CDH13: variants seen among roughly 807,000 people sequenced by gnomAD.
The protein encoded by CDH13 is cadherin-13.
Under a neutral mutation model 63.8 loss-of-function variants are expected in CDH13, and 24 were observed. The ratio of observed to expected loss-of-function variants is 0.38; its 90% CI spans 0.27 to 0.53. CDH13 has a LOEUF of 0.53. CDH13 is among the 20% of genes least tolerant of loss of function. The pLI, the probability that CDH13 is intolerant of heterozygous loss-of-function variation, is 0.85. For missense variants in CDH13, 1,049 were observed against 903.1 expected, an observed-to-expected ratio of 1.16 and a Z score of -2.07; for synonymous variants, 503 against 355.3, an observed-to-expected ratio of 1.42 and a Z score of -4.67.
At chr16:83,284,684 AATAAT>A (rs1173064999) in intron 5 of CDH13, among the ~76,000 whole-genome samples, 1 of 152,104 alleles carries the variant, frequency 6.6e-6, no homozygotes, top group Non-Finnish European at 1.5e-5. Flanking sequence ...AGCGTAATAT[AATAAT>A]ATAGTAAATA....
chr16:83,755,393 T>A (rs1046305679), intron 11 of CDH13, among the ~76,000 whole-genome samples: 1 of 152,114 alleles, frequency 6.6e-6, no homozygotes. Flanking sequence ...AATTTGAAGA[T>A]GTAATGTCCA....
chr16:82,723,331 A>G (rs2032894728), intron 1 of CDH13, among the ~76,000 whole-genome samples: 1 of 152,118 alleles, frequency 6.6e-6, no homozygotes, highest in Non-Finnish European at 1.5e-5. Context: ...AGTTCAGCAC[A>G]TATTTATTGA....
intron 2 of CDH13, among the ~76,000 whole-genome samples, chr16:82,917,417 A>C (rs927747240): frequency 3.3e-5 from 5 of 152,208 alleles, no homozygotes; most frequent in African/African-American, 1.2e-4. Context: ...AATGAAAGAA[A>C]GAAAGATTCT....
intron 7 of CDH13, among the ~76,000 whole-genome samples, chr16:83,582,970 C>T (rs1047816961): frequency 6.6e-6 from 1 of 152,296 alleles, no homozygotes; most frequent in Admixed American, 6.5e-5. Flanking sequence ...CAAACAACAA[C>T]TGAAATTTAT....
At chr16:83,340,032 TTCTCTGTGACCTTTCCCA>T (rs2090687512) in intron 5 of CDH13, among the ~76,000 whole-genome samples, 1 of 152,198 alleles carries the variant, frequency 6.6e-6, no homozygotes, top group African/African-American at 2.4e-5. Flanking sequence ...CTCATCACCA[TTCTCTGTGACCTTTCCCA>T]TCTCTGGGAC....
At chr16:83,728,006 T>C (rs1032756274) in intron 10 of CDH13, among the ~76,000 whole-genome samples, 1 of 152,164 alleles carries the variant, frequency 6.6e-6, no homozygotes, top group Non-Finnish European at 1.5e-5. Context: ...CTTTTTCTTT[T>C]GTGAGGCAAA....
chr16:83,266,685 C>T (rs1464973126), intron 5 of CDH13, among the ~76,000 whole-genome samples: 1 of 152,170 alleles, frequency 6.6e-6, no homozygotes, highest in Non-Finnish European at 1.5e-5. Flanking sequence ...AAACATTAAG[C>T]CAATATTTCC....
chr16:82,739,685 C>G (rs1259701817), intron 1 of CDH13, among the ~76,000 whole-genome samples: 2 of 152,120 alleles, frequency 1.3e-5, no homozygotes, highest in African/African-American at 4.8e-5. Flanking sequence ...AACACCTTGT[C>G]TCTACAAAAG....
At chr16:83,261,152 G>T (rs754297577) in intron 5 of CDH13, among the ~76,000 whole-genome samples, 5 of 152,142 alleles carry the variant, frequency 3.3e-5, no homozygotes, top group Non-Finnish European at 5.9e-5. Context: ...TTATGACATA[G>T]TGACCACGGT....
chr16:83,322,086 T>G (rs192128481), intron 5 of CDH13, among the ~76,000 whole-genome samples: 1 of 152,104 alleles, frequency 6.6e-6, no homozygotes, highest in East Asian at 1.9e-4. Flanking sequence ...ATAACTAGCT[T>G]AAGGAAAACA....
At chr16:83,015,583 C>G (rs1914675991) in intron 2 of CDH13, among the ~76,000 whole-genome samples, 1 of 147,820 alleles carries the variant, frequency 6.8e-6, no homozygotes. Context: ...CAGATTACAT[C>G]CATTTAAACA....
At chr16:83,754,202 G>A (rs1258399907) in intron 11 of CDH13, among the ~76,000 whole-genome samples, 1 of 152,126 alleles carries the variant, frequency 6.6e-6, no homozygotes. Flanking sequence ...CAAATACATA[G>A]CCATTCTCTC....
At chr16:83,498,111 T>C (rs944041190) in intron 7 of CDH13, among the ~76,000 whole-genome samples, 1 of 152,088 alleles carries the variant, frequency 6.6e-6, no homozygotes, top group African/African-American at 2.4e-5. Context: ...ATTGACTAAA[T>C]ATTGGAGGGA....
intron 1 of CDH13, among the ~76,000 whole-genome samples, chr16:82,653,882 T>C (rs1454959847): frequency 6.6e-6 from 1 of 152,006 alleles, no homozygotes; most frequent in Non-Finnish European, 1.5e-5. Flanking sequence ...TTCAAGGCCC[T>C]GAGAGAGAAG....
chr16:82,843,455 A>T (rs918086542), intron 1 of CDH13, among the ~76,000 whole-genome samples: 2 of 152,156 alleles, frequency 1.3e-5, no homozygotes, highest in African/African-American at 4.8e-5. Flanking sequence ...ATATACTCCG[A>T]CCCAGGGGAA....
At chr16:82,923,169 A>G (rs2042208417) in intron 2 of CDH13, among the ~76,000 whole-genome samples, 1 of 152,220 alleles carries the variant, frequency 6.6e-6, no homozygotes, top group Non-Finnish European at 1.5e-5. Flanking sequence ...AAACTGCAAT[A>G]TCTGTGAAAT....
At chr16:83,218,577 C>T (rs1292897343) in intron 5 of CDH13, among the ~76,000 whole-genome samples, 1 of 152,204 alleles carries the variant, frequency 6.6e-6, no homozygotes, top group African/African-American at 2.4e-5. Context: ...GGTCCAGCTC[C>T]TGTAGGAACA....
chr16:83,159,712 C>G (rs1471365418), intron 4 of CDH13, among the ~76,000 whole-genome samples: 1 of 152,192 alleles, frequency 6.6e-6, no homozygotes, highest in Non-Finnish European at 1.5e-5. Flanking sequence ...TTAACCAACT[C>G]ATTTACAGCA....
chr16:83,452,096 A>C (rs1000670816), intron 6 of CDH13, among the ~76,000 whole-genome samples: 64 of 152,198 alleles, frequency 4.2e-4, no homozygotes, highest in African/African-American at 1.4e-3. Flanking sequence ...GCCTGAGATT[A>C]CAGGACAGGA....
Sources: allele counts gnomAD v4.1 joint callset (sites outside exome capture counted in the v4.1 genomes callset), GRCh38; gene constraint gnomAD v4.1.1; transcripts MANE v1.5; gene names NCBI Gene and HGNC (gene_info 2026-07-23, HGNC 2026-07-21).